The following LTBP4 variants were observed in gnomAD, a reference collection of about 807,000 sequenced individuals.
LTBP4 encodes the protein latent-transforming growth factor beta-binding protein 4.
Under a neutral mutation model 180.2 loss-of-function variants are expected in LTBP4, and 93 were observed. That is an observed-to-expected ratio of 0.52 (90% CI 0.44 to 0.61). The LOEUF (loss-of-function observed/expected upper bound fraction) is 0.61, where lower values mean the gene tolerates loss of function less well. Ranked by LOEUF, LTBP4 falls within the 20% of genes least tolerant of loss-of-function variation. The pLI is 0.00. For synonymous variants in LTBP4, 947 were observed against 934.5 expected (o/e 1.01, Z -0.24); for missense variants, 2,116 against 2,256.5 (o/e 0.94, Z 1.26).
chr19:40,606,240 C>T lies in LTBP4; in HGVS notation c.801C>T (p.Ser267=), dbSNP rs1454534506. The change falls in exon 5 of 30, where the codon TCC becomes TCT. Residue 267 remains serine (S), a synonymous_variant. Coordinates refer to ENST00000396819, the MANE Select transcript of LTBP4 (RefSeq NM_001042545.2). ...CQLCSERLGN[S]ERVSAPDGPC... ...CCTCTCCTCTCGCCACAGGGAACTC[C>T]GAAAGAGTGAGCGCCCCAGATGGAC... 19 of 1,588,704 alleles carry T rather than the reference C, an allele frequency of 1.2e-5. No individual in the cohort carries two copies. The highest frequency in any genetic ancestry group is 1.5e-5 in the Non-Finnish European group (18 of 1,167,116).
chr19:40,605,819 T>G lies in LTBP4; in HGVS notation c.781T>G (p.Ser261Ala), dbSNP rs982068989. 1 of 1,538,166 alleles carries G rather than the reference T, an allele frequency of 6.5e-7. No homozygotes were observed. Among genetic ancestry groups the G allele is most frequent in the African/African-American group, 1.4e-5 (1 of 72,982 alleles). Residue 261 changes from serine to alanine, a missense_variant, in exon 4 of 30, where the codon TCC becomes GCC. Ser to Ala is a moderately conservative substitution (Grantham distance 99). Transcript: ENST00000396819. This position sits in a 1 kb window ranked among gnomAD's most constrained non-coding sequence, Gnocchi z 5.5. ...AWGVHDCQLC[S>A]ERLGNSERVS... ...GGGCGTTCACGACTGTCAGCTGTGC[T>G]CCGAGCGCCTGGGTAAGCCCCAGGA...
Position 40,605,156 on chromosome 19 carries a change from C to T in LTBP4, c.372C>T (p.Ala124=), listed in dbSNP as rs1194005166. ...ACTCCTCGGGCGCCCGGCCCCCGGC[C>T]CCGGCTGTACCAGGCCTCACCCGCT... ...QLHSSGARPP[A]PAVPGLTRSV... Residue 124 remains alanine (A), a synonymous_variant, in exon 2 of 30, where the codon GCC becomes GCT. Coordinates refer to ENST00000396819, the MANE Select transcript of LTBP4 (RefSeq NM_001042545.2). This position sits in a 1 kb window ranked among gnomAD's most constrained non-coding sequence, Gnocchi z 5.5. 6.2e-7 allele frequency: 1 copy of T among 1,611,862 alleles called. No homozygotes were observed. The highest frequency in any genetic ancestry group is 1.7e-5 in the Admixed American group (1 of 59,710).
In LTBP4 at chr19:40,611,959, C is replaced by T; in HGVS notation, c.2154C>T (p.Pro718=). 6.2e-7 allele frequency: 1 copy of T among 1,611,760 alleles called. No homozygotes were observed. The highest frequency in any genetic ancestry group is 8.5e-7 in the Non-Finnish European group (1 of 1,178,892). Reference sequence around the variant, plus strand: ...GTGTCTGCCCCATGGGCTTCCAACCCAACACTGCTGGCTCCGAGTGCGAGG... The same window carrying T: ...GTGTCTGCCCCATGGGCTTCCAACCTAACACTGCTGGCTCCGAGTGCGAGG... ...FQCVCPMGFQ[P]NTAGSECEDV... is the part of the protein sequence containing the mutation. The change falls in exon 14 of 30, where the codon CCC becomes CCT. Residue 718 remains proline (P), a synonymous_variant. Coordinates refer to ENST00000396819, the MANE Select transcript of LTBP4 (RefSeq NM_001042545.2). The surrounding 1 kb of genome is among the most constrained non-coding windows in gnomAD (Gnocchi z 4.4).
Position 40,624,088 on chromosome 19 carries a change from C to T in LTBP4, c.3832+6C>T, listed in dbSNP as rs1475775116. 3 of 1,536,122 alleles carry T rather than the reference C, an allele frequency of 2.0e-6. No homozygotes were observed. Among genetic ancestry groups the T allele is most frequent in the Non-Finnish European group, 1.8e-6 (2 of 1,138,562 alleles). On this transcript the variant is annotated splice_donor_region_variant and intron_variant, in intron 26 of 29. Coordinates refer to ENST00000396819, the MANE Select transcript of LTBP4 (RefSeq NM_001042545.2). ...CAACGAGAGCCAGAGCCTCGGTAAC[C>T]CCGCCCACGCCATCCAGGCCCTCCT...
Position 40,605,395 on chromosome 19 carries a change from C to T in LTBP4, c.443-10C>T. The T allele has an allele frequency of 6.2e-7, 1 of 1,612,628 alleles. No homozygotes were observed. ...GTAGACATCCGTTTGCCCGGCCGTG[C>T]CTCCCCTAGGCGTGGCATCTATGGT... On this transcript the variant is annotated splice_polypyrimidine_tract_variant and intron_variant, in intron 2 of 29. Coordinates refer to ENST00000396819, the MANE Select transcript of LTBP4 (RefSeq NM_001042545.2). The surrounding 1 kb of genome is among the most constrained non-coding windows in gnomAD (Gnocchi z 5.5).
chr19:40,623,299 G>A (rs2081600260), intron 24 of LTBP4, among the ~76,000 whole-genome samples: 1 of 150,964 alleles, frequency 6.6e-6, no homozygotes, highest in African/African-American at 2.4e-5. Flanking sequence ...CTCAGCCTCT[G>A]GCGTAGCTGG....
Position 40,607,518 on chromosome 19 carries a change from C to T in LTBP4, c.1145C>T (p.Pro382Leu). ...AWGRGCQLCP[P>L]FGSEGFREIC... is the part of the protein sequence containing the mutation. Reference sequence around the variant, plus strand: ...GGCCGGGGCTGCCAGCTCTGCCCACCCTTCGGCTCAGGTGAGCCCCTGCGG... The same window carrying T: ...GGCCGGGGCTGCCAGCTCTGCCCACTCTTCGGCTCAGGTGAGCCCCTGCGG... The change falls in exon 7 of 30, where the codon CCC becomes CTC. Residue 382 changes from proline (P) to leucine (L), a missense_variant. By Grantham distance (98) the Pro-to-Leu change is moderately conservative. This residue lies in a region of LTBP4 where 877 missense variants were observed against 873.6 expected (regional missense o/e 1.00). Coordinates refer to ENST00000396819, the MANE Select transcript of LTBP4 (RefSeq NM_001042545.2). 1 of 1,610,282 alleles carries T rather than the reference C, an allele frequency of 6.2e-7. No homozygotes were observed. The highest frequency in any genetic ancestry group is 1.1e-5 in the South Asian group (1 of 90,492).
chr19:40,623,813 C>A, intron 25 of LTBP4, 81 bp downstream of exon 25: 1 of 1,598,452 alleles, frequency 6.3e-7, no homozygotes, highest in Non-Finnish European at 8.6e-7. Flanking sequence ...ATGTGGCCAC[C>A]ACCAGCGGGA....
chr19:40,599,572 C>T (rs373571045), upstream of LTBP4: 3 of 1,599,476 alleles, frequency 1.9e-6, no homozygotes, highest in African/African-American at 4.0e-5. Context: ...TGGGCAGTCC[C>T]TCCCCTACCA....
Position 40,622,416 on chromosome 19 carries a change from C to A in LTBP4, c.3233C>A (p.Ser1078Ter). Residue 1078 changes from serine (S) to a stop codon, truncating the protein, a stop_gained, in exon 23 of 30, where the codon TCG becomes TAG. Coordinates refer to ENST00000396819, the MANE Select transcript of LTBP4 (RefSeq NM_001042545.2). LOFTEE classifies it high-confidence loss of function. This position sits in a 1 kb window ranked among gnomAD's most constrained non-coding sequence, Gnocchi z 5.1. Reference sequence around the variant, plus strand: ...GTCTCCCCAGGCACGTTCCCAGGCTCGCAGCCCCAGGCACCTGCTAGCCCC... The same window carrying A: ...GTCTCCCCAGGCACGTTCCCAGGCTAGCAGCCCCAGGCACCTGCTAGCCCC... ...PRTSAGTFPGSQPQAPASPVL... is the reference protein window; with the variant it reads ...PRTSAGTFPG 1 of 1,551,356 alleles carries A rather than the reference C, an allele frequency of 6.4e-7. No homozygotes were observed. Among genetic ancestry groups the A allele is most frequent in the Non-Finnish European group, 8.7e-7 (1 of 1,143,752 alleles).
At chr19:40,624,109 C>T (rs779552881) in intron 26 of LTBP4, 27 bp downstream of exon 26, 6 of 1,504,220 alleles carry the variant, frequency 4.0e-6, no homozygotes, top group Non-Finnish European at 4.4e-6. Flanking sequence ...CATCCAGGCC[C>T]TCCTTCCCTT....
chr19:40,621,019 G>A (rs1435117102), intron 22 of LTBP4, among the ~76,000 whole-genome samples: 1 of 151,344 alleles, frequency 6.6e-6, no homozygotes, highest in Non-Finnish European at 1.5e-5. Flanking sequence ...TCAGCTCACT[G>A]TAACCTCCAC....
At chr19:40,623,573 GCCC>G (rs773915820) in intron 24 of LTBP4, 28 bp from the exon 25 acceptor site, 2 of 1,599,636 alleles carry the variant, frequency 1.3e-6, no homozygotes, top group Non-Finnish European at 1.7e-6. Flanking sequence ...CATCCAGCCC[GCCC>G]CCATCTCTCT....
chr19:40,614,290 C>A (rs570257178), intron 18 of LTBP4, 25 bp from the exon 19 acceptor site: 1 of 1,590,038 alleles, frequency 6.3e-7, no homozygotes, highest in East Asian at 2.2e-5. Context: ...CTTCCCACAT[C>A]CGACCACCCG....
chr19:40,613,848 A>AG lies in LTBP4; in HGVS notation c.2558-64dup. The AG allele has an allele frequency of 6.2e-7, 1 of 1,604,312 alleles. No homozygotes were observed. Among genetic ancestry groups the AG allele is most frequent in the South Asian group, 1.1e-5 (1 of 90,318 alleles). ...GCCTAGGAGAGCCGAGGGGCGGTGG[A>AG]GGGGTGTGGCCTAGAATGTTAGGCG... On this transcript the variant is annotated intron_variant, in intron 17 of 29. Coordinates refer to ENST00000396819, the MANE Select transcript of LTBP4 (RefSeq NM_001042545.2). This position sits in a 1 kb window ranked among gnomAD's most constrained non-coding sequence, Gnocchi z 5.0.
At position 40,611,194 on chromosome 19, in the gene LTBP4, G is replaced by A. The variant is rs773067096; in HGVS notation, c.1853G>A (p.Gly618Glu). 6.2e-7 allele frequency: 1 copy of A among 1,613,690 alleles called. No individual in the cohort carries two copies. Among genetic ancestry groups the A allele is most frequent in the African/African-American group, 1.3e-5 (1 of 74,846 alleles). Reference sequence around the variant, plus strand: ...CAGAGCCCAGGCCTGTGTGGCCGAGGGGCCTGCAAGAACCTGCCTGGCTCT... The same window carrying A: ...CAGAGCCCAGGCCTGTGTGGCCGAGAGGCCTGCAAGAACCTGCCTGGCTCT... ...CTQSPGLCGRGACKNLPGSFR... is the reference protein window; with the variant it reads ...CTQSPGLCGREACKNLPGSFR... Residue 618 changes from glycine (G) to glutamate (E), a missense_variant, in exon 13 of 30, where the codon GGG becomes GAG. Around this residue, in one of 5 missense-constraint regions of LTBP4, gnomAD observed 877 missense variants for 873.6 expected, o/e 1.00. Coordinates refer to ENST00000396819, the MANE Select transcript of LTBP4 (RefSeq NM_001042545.2). This position sits in a 1 kb window ranked among gnomAD's most constrained non-coding sequence, Gnocchi z 4.4.
chr19:40,613,910 C>T lies in LTBP4; in HGVS notation c.2558-6C>T. On this transcript the variant is annotated splice_region_variant and splice_polypyrimidine_tract_variant and intron_variant, in intron 17 of 29. Coordinates refer to ENST00000396819, the MANE Select transcript of LTBP4 (RefSeq NM_001042545.2). The surrounding 1 kb of genome is among the most constrained non-coding windows in gnomAD (Gnocchi z 5.0). Reference sequence around the variant, plus strand: ...GGGCCGGGCCTTCGGACGCCCTGTCCCGCAGACGTTGACGAGTGCAGCGAG... The same window carrying T: ...GGGCCGGGCCTTCGGACGCCCTGTCTCGCAGACGTTGACGAGTGCAGCGAG... 1 of 1,613,546 alleles carries T rather than the reference C, an allele frequency of 6.2e-7. No homozygotes were observed. Among genetic ancestry groups the T allele is most frequent in the Non-Finnish European group, 8.5e-7 (1 of 1,179,782 alleles).
intron 1 of LTBP4, among the ~76,000 whole-genome samples, chr19:40,595,882 C>G (rs1048276998): frequency 6.7e-6 from 1 of 149,416 alleles, no homozygotes; most frequent in Non-Finnish European, 1.5e-5. Context: ...TGGCTCATGC[C>G]ACCATACCCG....
At chr19:40,616,287 C>G (rs1198655613) in intron 19 of LTBP4, among the ~76,000 whole-genome samples, 3 of 104,838 alleles carry the variant, frequency 2.9e-5, no homozygotes, top group Non-Finnish European at 5.7e-5. Context: ...GAGCAAGACC[C>G]CATTTAAAAA....
Sources: allele counts gnomAD v4.1 joint callset (sites outside exome capture counted in the v4.1 genomes callset), GRCh38; gene constraint gnomAD v4.1.1; regional missense constraint gnomAD v4.1.1; non-coding constraint Gnocchi (gnomAD v3.1); transcripts MANE v1.5; gene names NCBI Gene and HGNC (gene_info 2026-07-23, HGNC 2026-07-21).